Variants in PRPSAP2 observed in about 807,000 individuals in gnomAD.
PRPSAP2 encodes phosphoribosyl pyrophosphate synthetase associated protein 2, also known as phosphoribosyl pyrophosphate synthase-associated protein 2.
A neutral mutation model predicts 40.6 loss-of-function variants in PRPSAP2; 24 were observed. That is an observed-to-expected ratio of 0.59 (90% CI 0.43 to 0.83). The LOEUF (loss-of-function observed/expected upper bound fraction) is 0.83. Ranked by LOEUF, PRPSAP2 falls within the 40% of genes least tolerant of loss-of-function variation. The pLI is 0.00. For synonymous variants in PRPSAP2, 149 were observed against 164.7 expected (o/e 0.90, Z 0.73); for missense variants, 292 against 465.6 (o/e 0.63, Z 3.43).
intron 1 of PRPSAP2, chr17:18,860,583 G>T (rs535081934): frequency 2.6e-5 from 4 of 152,372 alleles, no homozygotes; most frequent in African/African-American, 9.6e-5. Flanking sequence ...CTCTTGTCTG[G>T]AAGGTAAAGG....
intron 9 of PRPSAP2, among the ~76,000 whole-genome samples, chr17:18,923,402 G>A (rs1234544770): frequency 6.6e-6 from 1 of 152,036 alleles, no homozygotes; most frequent in Non-Finnish European, 1.5e-5. Flanking sequence ...CACCACGCCT[G>A]GCGTGGAATT....
At chr17:18,859,976 C>T (rs563951091) in intron 1 of PRPSAP2, among the ~76,000 whole-genome samples, 1 of 152,094 alleles carries the variant, frequency 6.6e-6, no homozygotes, top group Non-Finnish European at 1.5e-5. Context: ...AAACTCCTGA[C>T]CTTGTGATCT....
intron 8 of PRPSAP2, among the ~76,000 whole-genome samples, chr17:18,896,790 G>C (rs2039936470): frequency 6.6e-6 from 1 of 152,072 alleles, no homozygotes; most frequent in Non-Finnish European, 1.5e-5. Context: ...GGTTACCTGA[G>C]AATGGGCTTC....
chr17:18,883,195 G>A (rs1001280748), intron 7 of PRPSAP2, among the ~76,000 whole-genome samples: 2 of 152,062 alleles, frequency 1.3e-5, no homozygotes, highest in Non-Finnish European at 2.9e-5. Context: ...CTGTATCAGT[G>A]GAGATGATCA....
chr17:18,867,773 A>G (rs918383949), intron 4 of PRPSAP2, among the ~76,000 whole-genome samples: 3 of 152,180 alleles, frequency 2.0e-5, no homozygotes, highest in Admixed American at 1.3e-4. Context: ...AAATATTGTT[A>G]AGAAATACTT....
intron 9 of PRPSAP2, among the ~76,000 whole-genome samples, chr17:18,922,537 C>A (rs1436988740): frequency 6.6e-6 from 1 of 151,872 alleles, no homozygotes; most frequent in Non-Finnish European, 1.5e-5. Flanking sequence ...CTAATGACTT[C>A]ATTTGTATAT....
intron 1 of PRPSAP2, among the ~76,000 whole-genome samples, chr17:18,862,355 T>C (rs1473218161): frequency 6.6e-6 from 1 of 152,170 alleles, no homozygotes; most frequent in Admixed American, 6.6e-5. Context: ...CTAAGATCTC[T>C]TCCTACCTCT....
intron 10 of PRPSAP2, among the ~76,000 whole-genome samples, chr17:18,926,457 C>T (rs1043509098): frequency 2.0e-5 from 3 of 151,850 alleles, no homozygotes; most frequent in African/African-American, 4.8e-5. Flanking sequence ...TTTGTAGAGA[C>T]GGGGTTTCAC....
chr17:18,872,790 G>T, intron 5 of PRPSAP2, 141 bp downstream of exon 5: 1 of 639,852 alleles, frequency 1.6e-6, no homozygotes, highest in South Asian at 2.4e-5. Context: ...AGAAAACTAA[G>T]TTTTCTGACA....
intron 11 of PRPSAP2, 76 bp downstream of exon 11, chr17:18,929,033 A>G: frequency 6.5e-7 from 1 of 1,535,614 alleles, no homozygotes. Flanking sequence ...ACAGAGAGTC[A>G]GGACAAGACT....
intron 5 of PRPSAP2, among the ~76,000 whole-genome samples, chr17:18,877,268 A>T (rs2038366369): frequency 6.6e-6 from 1 of 152,040 alleles, no homozygotes; most frequent in African/African-American, 2.4e-5. Context: ...CAGAGGGGAG[A>T]GTGGTTATGA....
chr17:18,905,510 A>G (rs1015405464), intron 8 of PRPSAP2, among the ~76,000 whole-genome samples: 21 of 152,174 alleles, frequency 1.4e-4, no homozygotes, highest in African/African-American at 4.1e-4. Flanking sequence ...GGAGGAACTA[A>G]TAATCTATGT....
chr17:18,926,945 A>G (rs1460865235), intron 10 of PRPSAP2, among the ~76,000 whole-genome samples: 2 of 152,070 alleles, frequency 1.3e-5, no homozygotes, highest in East Asian at 3.8e-4. Context: ...CCAATCTGCA[A>G]CCCCTTGTGT....
In PRPSAP2 at chr17:18,889,891, TCA is replaced by T; in HGVS notation, c.584+17_584+18del. 2 of 1,606,032 alleles carry T rather than the reference TCA, an allele frequency of 1.2e-6. No individual in the cohort carries two copies. Among genetic ancestry groups the T allele is most frequent in the Non-Finnish European group, 1.7e-6 (2 of 1,174,286 alleles). ...CTCGGCGAAGAGGTAGGTGGGAATCTCACAACCTCTTTCTGGATCTACTTCTA... is the reference window on the plus strand; with the variant it reads ...CTCGGCGAAGAGGTAGGTGGGAATCTCAACCTCTTTCTGGATCTACTTCTA... On this transcript the variant is annotated intron_variant, in intron 8 of 11. Coordinates refer to ENST00000268835, the MANE Select transcript of PRPSAP2 (RefSeq NM_002767.4).
In PRPSAP2 at chr17:18,930,749, C is replaced by T. The variant is rs377470182; in HGVS notation, c.*51C>T. On this transcript the variant is annotated 3_prime_UTR_variant, in exon 12 of 12. Coordinates refer to ENST00000268835, the MANE Select transcript of PRPSAP2 (RefSeq NM_002767.4). ...GGCCAAACTGGAAACATAAGAGTGACTGCTCGGTGGGATGGATTTCACAGG... is the reference window on the plus strand; with the variant it reads ...GGCCAAACTGGAAACATAAGAGTGATTGCTCGGTGGGATGGATTTCACAGG... 117 of 1,504,756 alleles carry T rather than the reference C, an allele frequency of 7.8e-5. 1 individual carries two copies. The highest frequency in any genetic ancestry group is 1.0e-4 in the Non-Finnish European group (111 of 1,098,760). 93.2% of individuals were successfully genotyped at this position (1,504,756 alleles called of 1,614,324 possible). A position where few individuals can be genotyped will look rare whatever the true frequency, so the allele number is the denominator to read the frequency against.
Position 18,927,772 on chromosome 17 carries a change from T to C in PRPSAP2, c.805-1039T>C, listed in dbSNP as rs138157874. Among the ~76,000 whole-genome samples, 51 of 151,430 alleles carry C rather than the reference T, an allele frequency of 3.4e-4. No individual in the cohort carries two copies. The East Asian group carries it at 9.5e-3, about 28-fold the overall frequency. On this transcript the variant is annotated intron_variant, in intron 10 of 11. Transcript: ENST00000268835. ...TACTAGTAGGACTTTTAAAGTAGCG[T>C]GTGTGTGTGTGTATGTATTTTTTTT...
chr17:18,906,761 G>C (rs955740540), intron 8 of PRPSAP2, among the ~76,000 whole-genome samples: 1 of 148,852 alleles, frequency 6.7e-6, no homozygotes, highest in Non-Finnish European at 1.5e-5. Context: ...TGGCCAGGCT[G>C]GTCTTGAACT....
chr17:18,913,722 A>T (rs1056862977), intron 9 of PRPSAP2, among the ~76,000 whole-genome samples: 4 of 150,412 alleles, frequency 2.7e-5, no homozygotes, highest in African/African-American at 9.8e-5. Context: ...TAATTTTTGT[A>T]TTTTTTGTAG....
chr17:18,895,943 A>G (rs559875326), intron 8 of PRPSAP2, among the ~76,000 whole-genome samples: 12 of 151,978 alleles, frequency 7.9e-5, no homozygotes, highest in African/African-American at 2.9e-4. Context: ...TCTTACTTTA[A>G]AAAAGAATAC....
Sources: allele counts gnomAD v4.1 joint callset (sites outside exome capture counted in the v4.1 genomes callset), GRCh38; gene constraint gnomAD v4.1.1; transcripts MANE v1.5; gene names NCBI Gene and HGNC (gene_info 2026-07-23, HGNC 2026-07-21).